Variants in NONO observed in about 807,000 individuals in gnomAD.
NONO encodes non-POU domain-containing octamer-binding protein.
Under a neutral mutation model 40.2 loss-of-function variants are expected in NONO, and 6 were observed. The ratio of observed to expected loss-of-function variants is 0.15; its 90% confidence interval spans 0.08 to 0.29. The LOEUF (loss-of-function observed/expected upper bound fraction) is 0.29. Ranked by LOEUF, NONO falls within the 10% of genes least tolerant of loss-of-function variation. The pLI is 1.00. For synonymous variants in NONO, 89 were observed against 123.3 expected (o/e 0.72, Z 1.85); for missense variants, 133 against 397.8 (o/e 0.33, Z 5.66).
At chrX:71,298,676 C>A in intron 10 of NONO, 31 bp from the exon 11 acceptor site, 1 of 1,143,858 alleles carries the variant, frequency 8.7e-7, no homozygotes, top group Non-Finnish European at 1.2e-6. Context: ...CAATCTTTAT[C>A]CCTTGTGCTG....
chrX:71,298,389 C>T, intron 9 of NONO, 80 bp from the exon 10 acceptor site: 4 of 836,973 alleles, frequency 4.8e-6, no homozygotes, highest in Non-Finnish European at 7.2e-6. Context: ...CTATCTACTT[C>T]CCTTAGTGTG....
chrX:71,287,567 A>G (rs1269899274), intron 2 of NONO, among the ~76,000 whole-genome samples: 1 of 109,336 alleles, frequency 9.1e-6, no homozygotes, highest in African/African-American at 3.3e-5. Context: ...TTTAGTAGAG[A>G]CAGGGTTTCA....
At position 71,297,015 on chromosome X, in the gene NONO, G is replaced by A; in HGVS notation, c.911G>A (p.Arg304His). The A allele has an allele frequency of 1.7e-6, 2 of 1,204,146 alleles. No homozygotes were observed. The highest frequency in any genetic ancestry group is 2.2e-6 in the Non-Finnish European group (2 of 891,053). ...CTGGAGATGGAGATGGAAGCTGCACGCCATGAGCACCAGGTCATGCTAATG... is the reference window on the plus strand; with the variant it reads ...CTGGAGATGGAGATGGAAGCTGCACACCATGAGCACCAGGTCATGCTAATG... ...EKLEMEMEAA[R>H]HEHQVMLMRQ... The change falls in exon 7 of 12, where the codon CGC becomes CAC. Residue 304 changes from arginine (R) to histidine (H), a missense_variant. Physicochemically the swap from Arg to His is conservative, Grantham distance 29. Around this residue, in one of 3 missense-constraint regions of NONO, gnomAD observed 73 missense variants for 162.2 expected, o/e 0.45. Coordinates refer to ENST00000276079, the MANE Select transcript of NONO (RefSeq NM_007363.5).
chrX:71,286,715 A>G (rs1446683432), intron 2 of NONO, among the ~76,000 whole-genome samples: 2 of 111,895 alleles, frequency 1.8e-5, no homozygotes, highest in African/African-American at 6.5e-5. Context: ...CATGAAAACC[A>G]TTCCCCTAAT....
intron 2 of NONO, among the ~76,000 whole-genome samples, chrX:71,286,090 T>C (rs2031182474): frequency 8.9e-6 from 1 of 112,094 alleles, no homozygotes; most frequent in Non-Finnish European, 1.9e-5. Context: ...TTTATTTTGG[T>C]TTTTCTAAAT....
At position 71,287,719 on chromosome X, in the gene NONO, C is replaced by T. The variant is rs547313556; in HGVS notation, c.-9-2910C>T. Among the ~76,000 whole-genome samples, 6 of 109,356 alleles carry T rather than the reference C, an allele frequency of 5.5e-5. No individual in the cohort carries two copies. The South Asian group carries it at 2.4e-3, about 43-fold the overall frequency. 95.0% of individuals were successfully genotyped at this position (109,356 alleles called of 115,157 possible). On this transcript the variant is annotated intron_variant, in intron 2 of 11. Coordinates refer to ENST00000276079, the MANE Select transcript of NONO (RefSeq NM_007363.5). ...ATTTTTTTTGAGACAGGGTCTCATT[C>T]TGTTGCCTAGGCTGGAGTGCAGTGT...
intron 2 of NONO, among the ~76,000 whole-genome samples, chrX:71,286,314 C>G (rs765573147): frequency 2.7e-5 from 3 of 111,074 alleles, no homozygotes; most frequent in Non-Finnish European, 5.7e-5. Context: ...CTTTGCCTTC[C>G]TCCCCCATTT....
chrX:71,298,523 G>A lies in NONO; in HGVS notation c.1171+15G>A. 1 of 1,200,548 alleles carries A rather than the reference G, an allele frequency of 8.3e-7. No individual in the cohort carries two copies. Among genetic ancestry groups the A allele is most frequent in the Non-Finnish European group, 1.1e-6 (1 of 885,181 alleles). On this transcript the variant is annotated intron_variant, in intron 10 of 11. Transcript: ENST00000276079. ...GGCTATGGGAGGTAAGGACTTAGGA[G>A]GTTAATGGCTCTGATTTCCTTTTTT...
At chrX:71,291,611 A>G (rs925737947) in intron 3 of NONO, among the ~76,000 whole-genome samples, 168 bp from the exon 4 acceptor site, 1 of 111,931 alleles carries the variant, frequency 8.9e-6, no homozygotes, top group African/African-American at 3.2e-5. Context: ...CTGCTTTCAC[A>G]TTCTAAGGCA....
Position 71,300,213 on chromosome X carries a change from T to C in NONO, c.*137T>C, listed in dbSNP as rs2031548645. On this transcript the variant is annotated 3_prime_UTR_variant, in exon 12 of 12. Transcript: ENST00000276079. ...CCTGCCTGTACTACTCTAGGGAGTA[T>C]GCTGGAGGCAGAGGGCAAGGGAGGG... 2 of 732,468 alleles carry C rather than the reference T, an allele frequency of 2.7e-6. No homozygotes were observed. The highest frequency in any genetic ancestry group is 6.6e-5 in the East Asian group (2 of 30,470). The allele number at this position is 732,468 out of a possible 1,213,427, so 60.4% of individuals were successfully genotyped here. A position where few individuals can be genotyped will look rare whatever the true frequency, so the allele number is the denominator to read the frequency against.
At chrX:71,297,531 C>A in intron 8 of NONO, 70 bp downstream of exon 8, 2 of 747,006 alleles carry the variant, frequency 2.7e-6, no homozygotes, top group Non-Finnish European at 4.0e-6. Flanking sequence ...TTCCTACTGC[C>A]ATGCTACCTC....
At chrX:71,295,220 CAAAA>C (rs1193819209) in intron 5 of NONO, among the ~76,000 whole-genome samples, 5 of 31,091 alleles carry the variant, frequency 1.6e-4, no homozygotes, top group East Asian at 1.2e-3. Context: ...GACTCTGTCT[CAAAA>C]AAAAAAAAAA....
Position 71,290,715 on chromosome X carries a change from GCAGCACCAC to G in NONO, c.84_92del (p.His28_Gln30del), listed in dbSNP as rs767983134. 1.4e-5 allele frequency: 17 copies of G among 1,201,709 alleles called. No homozygotes were observed. The highest frequency in any genetic ancestry group is 5.9e-5 in the East Asian group (2 of 33,648). On this transcript the variant is annotated inframe_deletion, in exon 3 of 12. Transcript: ENST00000276079. ...AGCATCATCAACATCACCACCAGCA[GCAGCACCAC>G]CAGCAGCAACAGCAGCAGCCGCCAC...
chrX:71,294,082 A>G, intron 4 of NONO, 145 bp from the exon 5 acceptor site: 1 of 591,236 alleles, frequency 1.7e-6, no homozygotes. Flanking sequence ...GCTGAAGCAC[A>G]CAGTTAAGTT....
rs547330818 is a variant in NONO, at chrX:71,288,326, A to G, written c.-9-2303A>G. On this transcript the variant is annotated intron_variant, in intron 2 of 11. Coordinates refer to ENST00000276079, the MANE Select transcript of NONO (RefSeq NM_007363.5). The stretch of plus-strand genomic sequence containing the variant: ...ATGTTGCCCAGGCTGGTCTCTAACT[A>G]CTGGGCCCAAGCAGTCCTCCTGCCT... Among the ~76,000 whole-genome samples the G allele has an allele frequency of 1.9e-4, 21 of 108,724 alleles. No homozygotes were observed. In the East Asian group the frequency reaches 6.0e-3, roughly 31 times the overall value. 94.4% of individuals were successfully genotyped at this position (108,724 alleles called of 115,157 possible).
chrX:71,287,382 A>G lies in NONO; in HGVS notation c.-10+2929A>G, dbSNP rs182642072. Among the ~76,000 whole-genome samples the G allele has an allele frequency of 4.6e-4, 50 of 108,824 alleles. 1 individual carries two copies. The highest frequency in any genetic ancestry group is 1.6e-3 in the African/African-American group (48 of 29,722). The allele number at this position is 108,824 out of a possible 115,157, so 94.5% of individuals were successfully genotyped here. ...CAGTGTGAGCCACCACGCCTGGCCT[A>G]TTCATTTATTTTTGAGACCAAGTCT... is the stretch of plus-strand genomic sequence containing the variant. On this transcript the variant is annotated intron_variant, in intron 2 of 11. Transcript: ENST00000276079.
chrX:71,286,140 TTC>T (rs1418510387), intron 2 of NONO, among the ~76,000 whole-genome samples: 5 of 111,764 alleles, frequency 4.5e-5, no homozygotes, highest in Non-Finnish European at 9.4e-5. Context: ...TGATTGTAAT[TTC>T]TGTTTAAAAA....
intron 2 of NONO, chrX:71,285,125 T>C (rs769428534): frequency 1.8e-5 from 2 of 112,217 alleles, no homozygotes; most frequent in East Asian, 2.8e-4. Context: ...GGCACTGTTA[T>C]AGGTGCTTTA....
intron 2 of NONO, among the ~76,000 whole-genome samples, chrX:71,289,841 A>G (rs1033358630): frequency 2.7e-5 from 3 of 110,561 alleles, no homozygotes; most frequent in Non-Finnish European, 5.7e-5. Flanking sequence ...GCACGATCTC[A>G]GCTCACTGCA....
Sources: gnomAD v4.1 joint callset for allele counts (sites outside exome capture counted in the v4.1 genomes callset) on GRCh38, gnomAD v4.1.1 for gene constraint, gnomAD v4.1.1 regional missense constraint, MANE v1.5 for transcripts, NCBI Gene and HGNC (gene_info 2026-07-23, HGNC 2026-07-21) for gene names.